ZNF420: variants seen among roughly 807,000 people sequenced by gnomAD.
ZNF420 encodes the protein zinc finger protein 420, also known as ATM and p53-associated KZNF protein.
In ZNF420, 31 loss-of-function variants were observed where a neutral mutation model predicts 44.7. The observed-to-expected ratio is 0.69, with a 90% confidence interval of 0.52 to 0.94. The LOEUF is 0.94. ZNF420 is among the 40% of genes least tolerant of loss of function. ZNF420 has a pLI of 0.00. For synonymous variants in ZNF420, 245 were observed against 267.4 expected (o/e 0.92, Z 0.82); for missense variants, 681 against 827.9 (o/e 0.82, Z 2.18).
At chr19:37,076,178 C>G (rs912027071), upstream of ZNF420, among the ~76,000 whole-genome samples, 19 of 151,958 alleles carry the variant, frequency 1.3e-4, no homozygotes, top group Non-Finnish European at 2.5e-4. Flanking sequence ...TAAGTGATAG[C>G]TTCCTTTTTC....
intron 2 of ZNF420, among the ~76,000 whole-genome samples, chr19:37,087,941 G>A (rs1316381085): frequency 3.9e-5 from 6 of 152,188 alleles, no homozygotes; most frequent in African/African-American, 1.2e-4. Context: ...CACTGCACCC[G>A]GCCGATTTCT....
chr19:37,123,597 G>GTT (rs1285859472), intron 4 of ZNF420, among the ~76,000 whole-genome samples: 1 of 76,986 alleles, frequency 1.3e-5, no homozygotes, highest in Non-Finnish European at 2.5e-5. Flanking sequence ...TTTTACTCTT[G>GTT]TCTTTTTTTT....
At chr19:37,051,667 C>G (rs1226822240) in intron 1 of ZNF420, among the ~76,000 whole-genome samples, 1 of 151,866 alleles carries the variant, frequency 6.6e-6, no homozygotes, top group East Asian at 1.9e-4. Context: ...TTTCAAAAAA[C>G]CAGCTACTGA....
At chr19:37,061,291 G>T (rs1658194053) in intron 1 of ZNF420, among the ~76,000 whole-genome samples, 2 of 152,208 alleles carry the variant, frequency 1.3e-5, no homozygotes, top group African/African-American at 2.4e-5. Flanking sequence ...AGTAAGAGAA[G>T]AATAAAATTT....
intron 1 of ZNF420, among the ~76,000 whole-genome samples, chr19:37,021,475 C>G (rs2074648033): frequency 1.3e-5 from 2 of 152,040 alleles, no homozygotes; most frequent in African/African-American, 4.8e-5. Flanking sequence ...CCATGTTGGT[C>G]AGGCTGGTCT....
At chr19:37,114,824 TA>T (rs2146685018) in intron 4 of ZNF420, among the ~76,000 whole-genome samples, 1 of 152,316 alleles carries the variant, frequency 6.6e-6, no homozygotes, top group African/African-American at 2.4e-5. Context: ...AATCATTCCA[TA>T]CTGTAAGTGG....
At chr19:37,103,676 T>C (rs1231248493) in intron 4 of ZNF420, among the ~76,000 whole-genome samples, 1 of 152,234 alleles carries the variant, frequency 6.6e-6, no homozygotes, top group Non-Finnish European at 1.5e-5. Context: ...GTGCCTTTAC[T>C]TAAGCCCAGT....
At chr19:37,058,381 C>G (rs1391905392) in intron 1 of ZNF420, among the ~76,000 whole-genome samples, 1 of 152,130 alleles carries the variant, frequency 6.6e-6, no homozygotes, top group African/African-American at 2.4e-5. Flanking sequence ...GCGGCATTTC[C>G]TCTGCACTTC....
intron 3 of ZNF420, 140 bp from the exon 4 acceptor site, chr19:37,090,855 G>C: frequency 1.3e-6 from 1 of 757,358 alleles, no homozygotes; most frequent in Admixed American, 3.0e-5. Context: ...AGGAGGCGGA[G>C]GTTGCAGCGT....
At chr19:37,019,291 ATTAT>A (rs962293262) in intron 1 of ZNF420, among the ~76,000 whole-genome samples, 5 of 152,214 alleles carry the variant, frequency 3.3e-5, no homozygotes, top group Non-Finnish European at 7.3e-5. Flanking sequence ...CACCACACTA[ATTAT>A]TAGGGAAATG....
In ZNF420 at chr19:37,059,367, A is replaced by T. The variant is rs565526391; in HGVS notation, c.-124-20978A>T. Reference sequence around the variant, plus strand: ...AGCGGAGCGCGAGTCAACCCCGCCAATGCGCATGCGCGAGGCGCGAGCGGA... The same window carrying T: ...AGCGGAGCGCGAGTCAACCCCGCCATTGCGCATGCGCGAGGCGCGAGCGGA... On this transcript the variant is annotated intron_variant, in intron 1 of 4. Transcript: ENST00000587029. Among the ~76,000 whole-genome samples, 525 of 152,318 alleles carry T rather than the reference A, an allele frequency of 3.4e-3. 3 individuals carry two copies. The highest frequency in any genetic ancestry group is 0.02 in the Middle Eastern group (6 of 294).
At chr19:37,033,621 C>G (rs1967302255) in intron 1 of ZNF420, among the ~76,000 whole-genome samples, 1 of 152,180 alleles carries the variant, frequency 6.6e-6, no homozygotes, top group African/African-American at 2.4e-5. Flanking sequence ...ATGCTTCCAC[C>G]TTTTGGCTAT....
intron 4 of ZNF420, among the ~76,000 whole-genome samples, chr19:37,100,174 A>G (rs1306521619): frequency 6.6e-6 from 1 of 152,108 alleles, no homozygotes; most frequent in African/African-American, 2.4e-5. Context: ...GCAGGTGGAT[A>G]TTCAGTTTTC....
At chr19:37,105,851 A>C (rs1478447136) in intron 4 of ZNF420, among the ~76,000 whole-genome samples, 2 of 152,128 alleles carry the variant, frequency 1.3e-5, no homozygotes, top group African/African-American at 4.8e-5. Context: ...TTGGTGTATA[A>C]GAATGCTTGT....
chr19:37,111,786 C>T (rs1016273372), intron 4 of ZNF420: 1 of 152,086 alleles, frequency 6.6e-6, no homozygotes, highest in East Asian at 1.9e-4. Flanking sequence ...AAATTTTTCA[C>T]AATCCTGCTC....
intron 1 of ZNF420, among the ~76,000 whole-genome samples, chr19:37,048,697 T>A (rs1047538648): frequency 4.8e-4 from 73 of 152,164 alleles, no homozygotes; most frequent in Non-Finnish European, 5.9e-4. Context: ...ACTCTTTTTT[T>A]AATTTTTTAA....
rs148019287 is a variant in ZNF420 at position 37,106,379 on chromosome 19, G to A, written c.136+15258G>A. On this transcript the variant is annotated intron_variant, in intron 4 of 4. Transcript: ENST00000337995. ...AGGGATGAAGCCCACTTGATCATGG[G>A]TAGATAAACTTTTTGATGTGCTGCT... 6.2e-3 allele frequency among the ~76,000 whole-genome samples: 942 copies of A among 152,238 alleles called. 28 individuals carry two copies. Among genetic ancestry groups the A allele is most frequent in the East Asian group, 0.05 (257 of 5,176 alleles).
chr19:37,047,924 G>C (rs1208752069), intron 1 of ZNF420, among the ~76,000 whole-genome samples: 1 of 152,154 alleles, frequency 6.6e-6, no homozygotes, highest in Non-Finnish European at 1.5e-5. Context: ...TAATCACACA[G>C]ATTCATCGAT....
At chr19:37,082,381 T>C (rs1968517653) in intron 2 of ZNF420, among the ~76,000 whole-genome samples, 1 of 152,174 alleles carries the variant, frequency 6.6e-6, no homozygotes, top group Non-Finnish European at 1.5e-5. Context: ...GCCAGGCTGG[T>C]CTCAAACTCC....
Sources: allele counts gnomAD v4.1 joint callset (sites outside exome capture counted in the v4.1 genomes callset), GRCh38; gene constraint gnomAD v4.1.1; transcripts MANE v1.5; gene names NCBI Gene and HGNC (gene_info 2026-07-23, HGNC 2026-07-21).